The following LARGE1 variants were observed in gnomAD, a reference collection of about 807,000 sequenced individuals.
LARGE1 encodes the protein LARGE xylosyl- and glucuronyltransferase 1.
In LARGE1, 43 loss-of-function variants were observed where a neutral mutation model predicts 87.6. The ratio of observed to expected loss-of-function variants is 0.49; its 90% CI spans 0.38 to 0.63. LARGE1 has a LOEUF of 0.63. LARGE1 is among the 30% of genes least tolerant of loss of function. The pLI is 0.00. For missense variants in LARGE1, 802 were observed against 1,000.2 expected (o/e 0.80, Z 2.67); for synonymous variants, 434 against 394.6 (o/e 1.10, Z -1.18).
At chr22:33,680,333 C>T (rs180738694) in intron 2 of LARGE1, among the ~76,000 whole-genome samples, 21 of 152,098 alleles carry the variant, frequency 1.4e-4, no homozygotes, top group Admixed American at 3.9e-4. Flanking sequence ...GGGCTCGGGG[C>T]GGGTGCAGAA....
Position 33,416,008 on chromosome 22 carries a change from G to A in LARGE1, c.892+16153C>T, listed in dbSNP as rs5754544. Among the ~76,000 whole-genome samples the A allele has an allele frequency of 3.3e-5, 5 of 152,290 alleles. 1 individual carries two copies. Among genetic ancestry groups the A allele is most frequent in the South Asian group, 2.1e-4 (1 of 4,810 alleles). On this transcript the variant is annotated intron_variant, in intron 7 of 14. Transcript: ENST00000397394. ...CCCTGTGGCTGCACCACGAATCTTA[G>A]CTATCACTTGCTGAGCATTTACTTT...
chr22:33,692,579 G>A (rs1226455001), intron 2 of LARGE1, among the ~76,000 whole-genome samples: 2 of 152,174 alleles, frequency 1.3e-5, no homozygotes, highest in African/African-American at 4.8e-5. Context: ...CCAAAGTGGT[G>A]GAATTATAGG....
intron 6 of LARGE1, among the ~76,000 whole-genome samples, chr22:33,485,225 T>G (rs1470133097): frequency 1.3e-5 from 2 of 148,832 alleles, no homozygotes; most frequent in African/African-American, 5.0e-5. Context: ...AGTCTTTTTT[T>G]TTTTTTGAGA....
chr22:33,537,720 C>A (rs1456193269), intron 6 of LARGE1, among the ~76,000 whole-genome samples: 1 of 152,154 alleles, frequency 6.6e-6, no homozygotes, highest in Non-Finnish European at 1.5e-5. Flanking sequence ...GCACATGCCA[C>A]CATGCCCAGC....
intron 6 of LARGE1, among the ~76,000 whole-genome samples, chr22:33,525,383 C>T (rs886844402): frequency 3.9e-5 from 6 of 152,150 alleles, no homozygotes; most frequent in Admixed American, 6.5e-5. Flanking sequence ...TATTCAGAAT[C>T]TTGGTTGTGA....
At chr22:33,739,566 T>A (rs1254881415) in intron 2 of LARGE1, among the ~76,000 whole-genome samples, 1 of 152,142 alleles carries the variant, frequency 6.6e-6, no homozygotes. Flanking sequence ...TGGTCTTCAA[T>A]AACAGCCTGT....
At chr22:33,606,137 G>A (rs118118953) in intron 4 of LARGE1, among the ~76,000 whole-genome samples, 2,313 of 152,280 alleles carry the variant, frequency 0.015, 33 homozygotes, top group Middle Eastern at 0.068. Flanking sequence ...AGGGCACGGC[G>A]GCTCACGCCT....
intron 2 of LARGE1, among the ~76,000 whole-genome samples, chr22:33,700,292 T>G (rs1044906946): frequency 6.6e-6 from 1 of 152,176 alleles, no homozygotes; most frequent in Non-Finnish European, 1.5e-5. Context: ...TGCTGGAGTT[T>G]GAGAATCGAT....
intron 1 of LARGE1, among the ~76,000 whole-genome samples, chr22:33,814,100 A>C (rs1372118287): frequency 6.6e-6 from 1 of 152,214 alleles, no homozygotes; most frequent in Non-Finnish European, 1.5e-5. Context: ...TCCAAAATTA[A>C]TATCCTTTCC....
intron 7 of LARGE1, among the ~76,000 whole-genome samples, chr22:33,427,463 GAA>G (rs2147659555): frequency 6.6e-6 from 1 of 152,324 alleles, no homozygotes; most frequent in South Asian, 2.1e-4. Flanking sequence ...GACTGGGAAA[GAA>G]AAGCAAACAA....
chr22:33,691,520 T>C (rs1338593143), intron 2 of LARGE1, among the ~76,000 whole-genome samples: 2 of 152,126 alleles, frequency 1.3e-5, no homozygotes, highest in Middle Eastern at 3.2e-3. Context: ...AGCTCAAGAC[T>C]GGAATATGGC....
intron 3 of LARGE1, among the ~76,000 whole-genome samples, chr22:33,634,002 C>T (rs180971718): frequency 3.0e-4 from 45 of 152,284 alleles, no homozygotes; most frequent in African/African-American, 1.0e-3. Context: ...GAGCTTCACT[C>T]GCCTCATCCG....
chr22:33,506,180 C>G lies in LARGE1; in HGVS notation c.787+58668G>C, dbSNP rs575550717. The stretch of plus-strand genomic sequence containing the variant: ...CCTTCCCCTCAAAGGATGCCCTGAA[C>G]ATAGTATGTGCTACATAATATATAT... On this transcript the variant is annotated intron_variant, in intron 6 of 14. Coordinates refer to ENST00000397394, the MANE Select transcript of LARGE1 (RefSeq NM_133642.5). 2.0e-5 allele frequency among the ~76,000 whole-genome samples: 3 copies of G among 152,076 alleles called. No homozygotes were observed. The East Asian group carries it at 5.8e-4, about 29-fold the overall frequency.
chr22:33,843,184 C>T (rs1408539389), intron 1 of LARGE1, among the ~76,000 whole-genome samples: 1 of 152,100 alleles, frequency 6.6e-6, no homozygotes, highest in Non-Finnish European at 1.5e-5. Context: ...CCTTCCCCAC[C>T]GCCCTGTGCG....
chr22:33,670,310 GCTGAAGTAGCAT>G (rs1181640652), intron 2 of LARGE1, among the ~76,000 whole-genome samples: 5 of 152,084 alleles, frequency 3.3e-5, no homozygotes, highest in South Asian at 4.2e-4. Context: ...AGGACAGAGT[GCTGAAGTAGCAT>G]TTGGAAGCAC....
At chr22:33,203,678 A>G in intron 11 of LARGE1, among the ~76,000 whole-genome samples, 1 of 152,208 alleles carries the variant, frequency 6.6e-6, no homozygotes, top group African/African-American at 2.4e-5. Context: ...ACTGCCCTGG[A>G]TTTCCCCAGC....
intron 1 of LARGE1, among the ~76,000 whole-genome samples, chr22:33,859,223 C>G (rs1451703376): frequency 6.6e-6 from 1 of 152,138 alleles, no homozygotes; most frequent in African/African-American, 2.4e-5. Flanking sequence ...CCCAAGGGAG[C>G]TCACCTTATA....
chr22:33,276,523 T>C (rs1290396316), intron 14 of LARGE1, among the ~76,000 whole-genome samples: 1 of 152,242 alleles, frequency 6.6e-6, no homozygotes, highest in Non-Finnish European at 1.5e-5. Flanking sequence ...CCTACTAGAA[T>C]TCTGTAGAAG....
At chr22:33,259,515 G>T (rs1927511023) in intron 11 of LARGE1, among the ~76,000 whole-genome samples, 1 of 150,800 alleles carries the variant, frequency 6.6e-6, no homozygotes, top group African/African-American at 2.4e-5. Context: ...TGTGTGCATG[G>T]ACACACACAC....
Sources: allele counts gnomAD v4.1 joint callset (sites outside exome capture counted in the v4.1 genomes callset), GRCh38; gene constraint gnomAD v4.1.1; transcripts MANE v1.5; gene names NCBI Gene and HGNC (gene_info 2026-07-23, HGNC 2026-07-21).